Variants in NLRP4 observed in about 807,000 individuals in gnomAD.
NLRP4 encodes the protein NACHT, LRR and PYD domains-containing protein 4.
A neutral mutation model predicts 84.7 loss-of-function variants in NLRP4; 44 were observed. That is an observed-to-expected ratio of 0.52 (90% confidence interval 0.41 to 0.67). The LOEUF is 0.67. Ranked by LOEUF, NLRP4 falls within the 30% of genes least tolerant of loss-of-function variation. The pLI is 0.00. For missense variants in NLRP4, 1,260 were observed against 1,219.4 expected (o/e 1.03, Z -0.50); for synonymous variants, 544 against 476.4 (o/e 1.14, Z -1.85).
At chr19:55,856,665 A>G (rs560545963) in intron 2 of NLRP4, among the ~76,000 whole-genome samples, 206 of 151,262 alleles carry the variant, frequency 1.4e-3, no homozygotes, top group South Asian at 4.4e-3. Flanking sequence ...ACAGGCACAC[A>G]CCACCACGCC....
chr19:55,838,238 G>T (rs897695601), intron 1 of NLRP4, among the ~76,000 whole-genome samples: 2 of 151,388 alleles, frequency 1.3e-5, no homozygotes, highest in Non-Finnish European at 2.9e-5. Context: ...GGAGGCAGAG[G>T]TTGCAGTGAG....
At chr19:55,851,731 CGA>C (rs1568660190) in intron 1 of NLRP4, among the ~76,000 whole-genome samples, 23 of 152,000 alleles carry the variant, frequency 1.5e-4, no homozygotes, top group African/African-American at 4.3e-4. Context: ...GTGTAATTTC[CGA>C]AGCTGCGGTG....
Position 55,858,983 on chromosome 19 carries a change from A to G in NLRP4, c.1590A>G (p.Gln530=). ...AACTGTCCCAAGAGATAAAGCAGCA[A>G]ATTCACCAGTGCCTGAAGAGCTTAG... ...GFQLSQEIKQ[Q]IHQCLKSLGE... Residue 530 remains glutamine, a synonymous_variant, in exon 3 of 10, where the codon CAA becomes CAG. Transcript: ENST00000301295. This position sits in a 1 kb window ranked among gnomAD's most constrained non-coding sequence, Gnocchi z 4.2. The G allele has an allele frequency of 6.2e-7, 1 of 1,614,238 alleles. No homozygotes were observed. The highest frequency in any genetic ancestry group is 8.5e-7 in the Non-Finnish European group (1 of 1,180,042).
chr19:55,850,175 CTG>C lies in NLRP4; in HGVS notation c.-65-1840_-65-1839del, dbSNP rs1444926112. On this transcript the variant is annotated intron_variant, in intron 1 of 9. Coordinates refer to ENST00000301295, the MANE Select transcript of NLRP4 (RefSeq NM_134444.5). ...CGAGGCTGCGGTGTAATTTCCGTGG[CTG>C]CGGTGTAATTTCCGTGGCTGCGGTG... 1.3e-4 allele frequency among the ~76,000 whole-genome samples: 19 copies of C among 145,834 alleles called. 1 individual carries two copies. Among genetic ancestry groups the C allele is most frequent in the Non-Finnish European group, 1.5e-4 (10 of 67,156 alleles).
intron 5 of NLRP4, among the ~76,000 whole-genome samples, chr19:55,865,258 G>C (rs1267406248): frequency 6.6e-6 from 1 of 152,164 alleles, no homozygotes; most frequent in Non-Finnish European, 1.5e-5. Flanking sequence ...ATGTTCCTGT[G>C]TTAGTTTGCT....
rs1478020127 is a variant in NLRP4 at position 55,855,395 on chromosome 19, G to GAAAT, written c.281-2278_281-2275dup. 3.3e-5 allele frequency among the ~76,000 whole-genome samples: 5 copies of GAAAT among 152,130 alleles called. No homozygotes were observed. In the East Asian group the frequency reaches 9.6e-4, roughly 29 times the overall value. On this transcript the variant is annotated intron_variant, in intron 2 of 9. Transcript: ENST00000301295. ...CTTATGAGCAACCAAACATGTCACC[G>GAAAT]AAATCTCCAGAACAGCTGAGAAGAC...
chr19:55,850,113 A>G (rs143822300), intron 1 of NLRP4, among the ~76,000 whole-genome samples: 7,448 of 51,298 alleles, frequency 0.15, 1,393 homozygotes, highest in African/African-American at 0.39. Flanking sequence ...TAATTACCGT[A>G]GCTGCGGTGT....
Position 55,862,166 on chromosome 19 carries a change from C to G in NLRP4, c.2186+7C>G. The G allele has an allele frequency of 6.2e-7, 1 of 1,608,160 alleles. No homozygotes were observed. Among genetic ancestry groups the G allele is most frequent in the Non-Finnish European group, 8.5e-7 (1 of 1,175,726 alleles). On this transcript the variant is annotated splice_region_variant and intron_variant, in intron 5 of 9. Coordinates refer to ENST00000301295, the MANE Select transcript of NLRP4 (RefSeq NM_134444.5). ...GCAACGTCAAAGAGCTAGCGTAAGT[C>G]TCCGTTTATTGAGACCACTGATTGG...
At chr19:55,872,708 T>C (rs1161380344) in intron 7 of NLRP4, among the ~76,000 whole-genome samples, 1 of 152,152 alleles carries the variant, frequency 6.6e-6, no homozygotes, top group Non-Finnish European at 1.5e-5. Flanking sequence ...AAGACTTAGA[T>C]GATTAAGATG....
chr19:55,860,158 T>A (rs376841330), intron 3 of NLRP4, among the ~76,000 whole-genome samples: 17 of 151,974 alleles, frequency 1.1e-4, no homozygotes, highest in African/African-American at 4.1e-4. Context: ...GCTAATTTTT[T>A]GTGTTTTTAG....
intron 1 of NLRP4, among the ~76,000 whole-genome samples, chr19:55,841,826 C>G (rs1983624044): frequency 6.6e-6 from 1 of 152,242 alleles, no homozygotes; most frequent in South Asian, 2.1e-4. Flanking sequence ...GATCGTACCA[C>G]TGCACTCCAG....
At chr19:55,867,274 T>C (rs1036040747) in intron 5 of NLRP4, among the ~76,000 whole-genome samples, 1 of 151,712 alleles carries the variant, frequency 6.6e-6, no homozygotes, top group Non-Finnish European at 1.5e-5. Context: ...TCAGGTTGGC[T>C]GTCTCTGTAC....
chr19:55,865,706 T>G (rs1984927906), intron 5 of NLRP4, among the ~76,000 whole-genome samples: 1 of 152,260 alleles, frequency 6.6e-6, no homozygotes, highest in African/African-American at 2.4e-5. Context: ...TATGCATTTT[T>G]CTAATGATTA....
In NLRP4 at chr19:55,858,236, C is replaced by G. The variant is rs75727063; in HGVS notation, c.843C>G (p.Pro281=). The G allele has an allele frequency of 1.1e-5, 17 of 1,614,008 alleles. No individual in the cohort carries two copies. The highest frequency in any genetic ancestry group is 1.4e-5 in the Non-Finnish European group (17 of 1,180,040). Residue 281 remains proline, a synonymous_variant, in exon 3 of 10, where the codon CCC becomes CCG. Coordinates refer to ENST00000301295, the MANE Select transcript of NLRP4 (RefSeq NM_134444.5). This position sits in a 1 kb window ranked among gnomAD's most constrained non-coding sequence, Gnocchi z 4.2. ...CCTCCCTGCTCATCGCTATCAAACC[C>G]GTGTGCCCGAAGGAGCTCCGGGATC... The part of the protein sequence containing the change: ...PEASLLIAIK[P]VCPKELRDQV...
At chr19:55,860,028 C>T (rs1211969111) in intron 3 of NLRP4, among the ~76,000 whole-genome samples, 1 of 149,014 alleles carries the variant, frequency 6.7e-6, no homozygotes, top group Non-Finnish European at 1.5e-5. Context: ...CTTTGTCACC[C>T]AGGCTGGAGT....
At chr19:55,864,590 G>A (rs1185875632) in intron 5 of NLRP4, among the ~76,000 whole-genome samples, 1 of 152,132 alleles carries the variant, frequency 6.6e-6, no homozygotes, top group Admixed American at 6.6e-5. Flanking sequence ...AGACTTGCTA[G>A]GTCATATAGT....
intron 1 of NLRP4, among the ~76,000 whole-genome samples, chr19:55,850,652 A>T (rs370671754): frequency 0.014 from 739 of 51,482 alleles, 8 homozygotes; most frequent in African/African-American, 0.035. Context: ...GTAATGTCCG[A>T]GGCTGCGGTG....
chr19:55,877,861 C>T (rs1985431331), intron 8 of NLRP4, among the ~76,000 whole-genome samples: 1 of 152,136 alleles, frequency 6.6e-6, no homozygotes, highest in African/African-American at 2.4e-5. Context: ...TCTATAAAGA[C>T]CTTGTATCCA....
intron 3 of NLRP4, among the ~76,000 whole-genome samples, chr19:55,861,026 C>T (rs1234292614): frequency 1.3e-5 from 2 of 152,146 alleles, no homozygotes; most frequent in East Asian, 1.9e-4. Flanking sequence ...TCAGCCTTGG[C>T]ACTGGTGATG....
Sources: gnomAD v4.1 joint callset for allele counts (sites outside exome capture counted in the v4.1 genomes callset) on GRCh38, gnomAD v4.1.1 for gene constraint, Gnocchi (gnomAD v3.1) non-coding constraint, MANE v1.5 for transcripts, NCBI Gene and HGNC (gene_info 2026-07-23, HGNC 2026-07-21) for gene names.